Variants in GRM5 observed in about 807,000 individuals in gnomAD.
The protein encoded by GRM5 is glutamate metabotropic receptor 5.
A neutral mutation model predicts 83.1 loss-of-function variants in GRM5; 19 were observed. The ratio of observed to expected loss-of-function variants is 0.23; its 90% CI spans 0.16 to 0.34. GRM5 has a LOEUF of 0.34. GRM5 is among the 10% of genes least tolerant of loss of function. The pLI is 1.00. For missense variants in GRM5, 1,160 were observed against 1,588.3 expected (o/e 0.73, Z 4.58); for synonymous variants, 675 against 633.6 (o/e 1.07, Z -0.98).
intron 2 of GRM5, among the ~76,000 whole-genome samples, chr11:88,967,268 T>C (rs865815921): frequency 2.1e-5 from 2 of 93,124 alleles, no homozygotes; most frequent in Non-Finnish European, 2.2e-5. Flanking sequence ...TATATATATA[T>C]ATATATATAA....
chr11:88,682,673 A>G (rs1391804711), intron 3 of GRM5, among the ~76,000 whole-genome samples: 1 of 152,068 alleles, frequency 6.6e-6, no homozygotes. Context: ...TATTTTTCAT[A>G]TATCTGCCTA....
At chr11:88,727,747 A>G (rs1941715048) in intron 3 of GRM5, among the ~76,000 whole-genome samples, 1 of 152,234 alleles carries the variant, frequency 6.6e-6, no homozygotes, top group Non-Finnish European at 1.5e-5. Context: ...CCACACAACT[A>G]CATGGAAACT....
At chr11:88,711,767 T>C (rs1447939433) in intron 3 of GRM5, among the ~76,000 whole-genome samples, 1 of 148,158 alleles carries the variant, frequency 6.7e-6, no homozygotes, top group Non-Finnish European at 1.5e-5. Context: ...TGACTCAGAT[T>C]ATTGACATTT....
chr11:88,570,121 A>T (rs1379467892), intron 7 of GRM5, among the ~76,000 whole-genome samples: 2 of 152,140 alleles, frequency 1.3e-5, no homozygotes, highest in African/African-American at 4.8e-5. Flanking sequence ...TTGCTTTAAG[A>T]TCTCACATTT....
intron 1 of GRM5, among the ~76,000 whole-genome samples, chr11:89,064,888 C>CTCTGTG (rs1218318990): frequency 1.6e-5 from 1 of 62,268 alleles, no homozygotes; most frequent in African/African-American, 6.9e-5. Context: ...CTCTCTCTCT[C>CTCTGTG]TGTGTGTGTG....
At chr11:88,804,297 C>A (rs1383199769) in intron 3 of GRM5, among the ~76,000 whole-genome samples, 2 of 146,396 alleles carry the variant, frequency 1.4e-5, no homozygotes, top group African/African-American at 5.2e-5. Flanking sequence ...AAATGTCCAA[C>A]AATGATAGAC....
intron 7 of GRM5, among the ~76,000 whole-genome samples, chr11:88,575,054 G>A (rs1188159410): frequency 6.7e-6 from 1 of 148,424 alleles, no homozygotes; most frequent in Non-Finnish European, 1.5e-5. Flanking sequence ...CTTCAAGGAA[G>A]GCATATTCTA....
chr11:89,007,121 C>T (rs753728865), intron 2 of GRM5, among the ~76,000 whole-genome samples: 1 of 152,136 alleles, frequency 6.6e-6, no homozygotes. Flanking sequence ...AATCTTGCAT[C>T]AAGTGTGCCT....
chr11:88,665,614 C>A (rs1022853996), intron 3 of GRM5, among the ~76,000 whole-genome samples: 1 of 152,080 alleles, frequency 6.6e-6, no homozygotes, highest in Admixed American at 6.6e-5. Context: ...AGAAGTGACA[C>A]AAAATTCAAA....
At chr11:88,854,867 C>A (rs1944445784) in intron 2 of GRM5, among the ~76,000 whole-genome samples, 1 of 151,880 alleles carries the variant, frequency 6.6e-6, no homozygotes, top group East Asian at 1.9e-4. Flanking sequence ...TATTAAAAGG[C>A]ACCAAATCAT....
chr11:88,577,705 G>A (rs1333432043), intron 7 of GRM5, among the ~76,000 whole-genome samples: 2 of 151,984 alleles, frequency 1.3e-5, no homozygotes, highest in African/African-American at 4.8e-5. Context: ...CATTTGAAAG[G>A]AACCATAGAA....
At chr11:88,980,459 C>A (rs892444077) in intron 2 of GRM5, among the ~76,000 whole-genome samples, 3 of 152,106 alleles carry the variant, frequency 2.0e-5, no homozygotes, top group African/African-American at 7.2e-5. Flanking sequence ...CTAAGAAATG[C>A]ACTCCTAAAA....
intron 3 of GRM5, among the ~76,000 whole-genome samples, chr11:88,713,499 A>C (rs185461552): frequency 6.6e-6 from 1 of 152,182 alleles, no homozygotes; most frequent in African/African-American, 2.4e-5. Context: ...TAGGAAGGAC[A>C]CACAAAGAAA....
chr11:88,946,053 A>G (rs908077015), intron 2 of GRM5, among the ~76,000 whole-genome samples: 2 of 152,090 alleles, frequency 1.3e-5, no homozygotes, highest in African/African-American at 4.8e-5. Flanking sequence ...ATAAATGAAT[A>G]ACCCCATTAA....
At chr11:88,769,044 A>G (rs1170113475) in intron 3 of GRM5, among the ~76,000 whole-genome samples, 1 of 152,122 alleles carries the variant, frequency 6.6e-6, no homozygotes, top group Non-Finnish European at 1.5e-5. Context: ...ACTAGGCTAA[A>G]GAAACTGCAT....
intron 3 of GRM5, among the ~76,000 whole-genome samples, chr11:88,706,297 CA>C (rs2135379037): frequency 6.6e-6 from 1 of 152,198 alleles, no homozygotes; most frequent in Non-Finnish European, 1.5e-5. Context: ...CACCCTTCCT[CA>C]CTCAAGATTT....
intron 8 of GRM5, among the ~76,000 whole-genome samples, chr11:88,555,426 T>C (rs549517965): frequency 6.5e-4 from 99 of 152,278 alleles, no homozygotes; most frequent in African/African-American, 2.2e-3. Flanking sequence ...ATGCTGATTG[T>C]AATTATTCTT....
At chr11:88,777,787 C>T (rs1289053636) in intron 3 of GRM5, among the ~76,000 whole-genome samples, 1 of 152,162 alleles carries the variant, frequency 6.6e-6, no homozygotes, top group Non-Finnish European at 1.5e-5. Context: ...GAGAATATTG[C>T]AGAACAGCAA....
chr11:89,041,970 T>C (rs1477467499), intron 2 of GRM5, among the ~76,000 whole-genome samples: 1 of 152,208 alleles, frequency 6.6e-6, no homozygotes, highest in South Asian at 2.1e-4. Flanking sequence ...AAACCTTCGA[T>C]ACGACCCAGG....
Sources: gnomAD v4.1 joint callset for allele counts (sites outside exome capture counted in the v4.1 genomes callset) on GRCh38, gnomAD v4.1.1 for gene constraint, MANE v1.5 for transcripts, NCBI Gene and HGNC (gene_info 2026-07-23, HGNC 2026-07-21) for gene names.